Variants in SLC7A7 observed in about 807,000 individuals in gnomAD.
SLC7A7 encodes Y+L amino acid transporter 1.
A neutral mutation model predicts 47.9 loss-of-function variants in SLC7A7; 39 were observed. The ratio of observed to expected loss-of-function variants is 0.81; its 90% CI spans 0.63 to 1.06. SLC7A7 has a LOEUF of 1.06. Among genes scored for constraint, SLC7A7 ranks in the 50% least tolerant of loss-of-function variants. The probability of loss-of-function intolerance (pLI) is 0.00; values close to 1 mark genes in which losing one functional copy is unlikely to be tolerated. For missense variants in SLC7A7, 588 were observed against 632.0 expected (o/e 0.93, Z 0.75); for synonymous variants, 234 against 242.8 (o/e 0.96, Z 0.34).
At chr14:22,791,193 C>G (rs1302080981) in intron 2 of SLC7A7, among the ~76,000 whole-genome samples, 2 of 152,064 alleles carry the variant, frequency 1.3e-5, no homozygotes, top group African/African-American at 4.8e-5. Context: ...AGGCATTTTT[C>G]TCCTTGCCTC....
chr14:22,779,465 TTG>T (rs1491244509), intron 3 of SLC7A7, among the ~76,000 whole-genome samples: 15 of 109,022 alleles, frequency 1.4e-4, no homozygotes, highest in Admixed American at 1.8e-4. Flanking sequence ...TTTTTTTTTT[TTG>T]GGGGGGGGAC....
rs1250593438 is a variant in SLC7A7 at position 22,774,304 on chromosome 14, A to G, written c.1245+50T>C. 5 of 1,613,354 alleles carry G rather than the reference A, an allele frequency of 3.1e-6. No individual in the cohort carries two copies. The East Asian group carries it at 6.7e-5, about 22-fold the overall frequency. On this transcript the variant is annotated intron_variant, in intron 8 of 9. Transcript: ENST00000674313. ...TGCTTTGTCATAGTCCCTTGTAGCA[A>G]CAACTCCAGCTGTTTCAGGTGGAGC... is the stretch of plus-strand genomic sequence containing the variant.
intron 2 of SLC7A7, among the ~76,000 whole-genome samples, chr14:22,788,848 A>T (rs1223710173): frequency 6.6e-6 from 1 of 152,156 alleles, no homozygotes; most frequent in Non-Finnish European, 1.5e-5. Flanking sequence ...AATCAATGCT[A>T]CTAGAAGTCA....
chr14:22,773,253 C>T lies in SLC7A7; in HGVS notation c.*357G>A. Reference sequence around the variant, plus strand: ...AACATAAACTTTTATTGTCATCCAGCACCTGTGATAGTTTCATGTCTCTCT... The same window carrying T: ...AACATAAACTTTTATTGTCATCCAGTACCTGTGATAGTTTCATGTCTCTCT... On this transcript the variant is annotated 3_prime_UTR_variant, in exon 10 of 10. Coordinates refer to ENST00000674313, the MANE Select transcript of SLC7A7 (RefSeq NM_003982.4). The T allele has an allele frequency of 2.3e-6, 1 of 429,732 alleles. No individual in the cohort carries two copies. Among genetic ancestry groups the T allele is most frequent in the Non-Finnish European group, 4.5e-6 (1 of 222,712 alleles). The allele number at this position is 429,732 out of a possible 1,614,324, so 26.6% of individuals were successfully genotyped here.
intron 2 of SLC7A7, among the ~76,000 whole-genome samples, chr14:22,782,848 G>A (rs774398256): frequency 1.7e-4 from 25 of 150,824 alleles, no homozygotes; most frequent in Non-Finnish European, 2.7e-4. Flanking sequence ...CTGCAGCATC[G>A]AACTCCTGAG....
chr14:22,811,588 G>A (rs8006353), intron 2 of SLC7A7, among the ~76,000 whole-genome samples: 23,253 of 152,188 alleles, frequency 0.15, 2,055 homozygotes, highest in South Asian at 0.23. Flanking sequence ...AGTGGCTCAC[G>A]CCTGTGATCC....
chr14:22,813,724 GC>G (rs1284016629), intron 1 of SLC7A7, among the ~76,000 whole-genome samples: 1 of 151,696 alleles, frequency 6.6e-6, no homozygotes, highest in African/African-American at 2.4e-5. Flanking sequence ...CCGGGTTCAA[GC>G]GCTTCTCTTG....
At chr14:22,809,031 G>T (rs1319399184) in intron 2 of SLC7A7, among the ~76,000 whole-genome samples, 1 of 152,196 alleles carries the variant, frequency 6.6e-6, no homozygotes, top group Admixed American at 6.5e-5. Flanking sequence ...ACACAAGTGT[G>T]TGCACAAGTG....
At chr14:22,784,463 CA>C (rs1401649158) in intron 2 of SLC7A7, among the ~76,000 whole-genome samples, 5 of 151,988 alleles carry the variant, frequency 3.3e-5, no homozygotes, top group Non-Finnish European at 7.4e-5. Flanking sequence ...ACTAAAAATA[CA>C]AAAATTAGCT....
intron 2 of SLC7A7, among the ~76,000 whole-genome samples, chr14:22,805,752 C>T (rs184750457): frequency 1.3e-5 from 2 of 152,180 alleles, no homozygotes; most frequent in East Asian, 3.9e-4. Flanking sequence ...ACATCCTGCA[C>T]ATGTGCCCTG....
intron 2 of SLC7A7, among the ~76,000 whole-genome samples, chr14:22,802,985 C>T (rs55987309): frequency 0.18 from 26,609 of 151,898 alleles, 2,522 homozygotes; most frequent in African/African-American, 0.23. Flanking sequence ...ATTCAACATA[C>T]AATTATTGAG....
At chr14:22,774,605 A>G (rs1448061419) in intron 7 of SLC7A7, 102 bp from the exon 8 acceptor site, 9 of 1,472,376 alleles carry the variant, frequency 6.1e-6, no homozygotes, top group African/African-American at 1.4e-5. Flanking sequence ...TCAATCCTCA[A>G]AGTCTCCTGG....
intron 2 of SLC7A7, among the ~76,000 whole-genome samples, chr14:22,784,964 C>T (rs1312578769): frequency 6.6e-6 from 1 of 152,122 alleles, no homozygotes; most frequent in African/African-American, 2.4e-5. Flanking sequence ...ACCACCATGC[C>T]CGGCGTCATT....
intron 4 of SLC7A7, among the ~76,000 whole-genome samples, chr14:22,777,211 G>A (rs902108998): frequency 8.0e-5 from 12 of 149,078 alleles, no homozygotes; most frequent in East Asian, 4.0e-4. Context: ...GCATCATAAC[G>A]CACAGGAAAA....
intron 2 of SLC7A7, among the ~76,000 whole-genome samples, chr14:22,794,436 G>A (rs985717476): frequency 5.3e-5 from 8 of 152,092 alleles, no homozygotes; most frequent in Admixed American, 2.0e-4. Context: ...TAACAACCCC[G>A]TGAGTCCCTT....
intron 2 of SLC7A7, among the ~76,000 whole-genome samples, chr14:22,805,227 G>A (rs1406269080): frequency 6.6e-6 from 1 of 152,132 alleles, no homozygotes; most frequent in Non-Finnish European, 1.5e-5. Context: ...TTAGCCAGGT[G>A]TGGTGGTGGG....
At chr14:22,812,773 C>CTG in intron 2 of SLC7A7, 127 bp downstream of exon 2, 1 of 433,776 alleles carries the variant, frequency 2.3e-6, no homozygotes, top group Non-Finnish European at 3.5e-6. Flanking sequence ...CATACTTTAA[C>CTG]TATATATATA....
At chr14:22,774,851 A>G (rs1243410610) in intron 7 of SLC7A7, among the ~76,000 whole-genome samples, 1 of 152,146 alleles carries the variant, frequency 6.6e-6, no homozygotes, top group Non-Finnish European at 1.5e-5. Flanking sequence ...TGAAAATCCA[A>G]AATGCTCCAA....
intron 2 of SLC7A7, among the ~76,000 whole-genome samples, chr14:22,804,612 A>G (rs1168250222): frequency 1.3e-5 from 2 of 152,204 alleles, no homozygotes; most frequent in Non-Finnish European, 2.9e-5. Flanking sequence ...CATGAAAAAA[A>G]GCTCAACAGC....
Sources: gnomAD v4.1 joint callset for allele counts (sites outside exome capture counted in the v4.1 genomes callset) on GRCh38, gnomAD v4.1.1 for gene constraint, MANE v1.5 for transcripts, NCBI Gene and HGNC (gene_info 2026-07-23, HGNC 2026-07-21) for gene names.